KIF1B: variants seen among roughly 807,000 people sequenced by gnomAD.
KIF1B encodes kinesin family member 1B, also known as kinesin-like protein KIF1B.
KIF1B carries 76 observed loss-of-function variants against 241.9 expected under a neutral mutation model. The ratio of observed to expected loss-of-function variants is 0.31; its 90% CI spans 0.26 to 0.38. The LOEUF is 0.38. Ranked by LOEUF, KIF1B falls within the 10% of genes least tolerant of loss-of-function variation. The probability of loss-of-function intolerance (pLI) is 1.00; values close to 1 mark genes in which losing one functional copy is unlikely to be tolerated. For missense variants in KIF1B, 1,622 were observed against 2,271.4 expected, an observed-to-expected ratio of 0.71 and a Z score of 5.81; for synonymous variants, 750 against 796.7, an observed-to-expected ratio of 0.94 and a Z score of 0.99.
rs1174469402 is a variant in KIF1B, at chr1:10,339,808, C to G, written c.3462C>G (p.Pro1154=). 1 of 1,613,906 alleles carries G rather than the reference C, an allele frequency of 6.2e-7. No homozygotes were observed. The highest frequency in any genetic ancestry group is 8.5e-7 in the Non-Finnish European group (1 of 1,180,012). Residue 1154 remains proline (P), a synonymous_variant, in exon 32 of 49, where the codon CCC becomes CCG. Transcript: ENST00000676179. ...HRHDEAFSTE[P]LKNNGRGSPL... ...ATGATGAAGCATTCTCCACGGAGCC[C>G]CTCAAAAACAATGGCAGAGGAAGTC...
At chr1:10,274,665 C>A (rs762035296) in intron 10 of KIF1B, among the ~76,000 whole-genome samples, 93 of 152,040 alleles carry the variant, frequency 6.1e-4, no homozygotes, top group Non-Finnish European at 1.2e-3. Flanking sequence ...TCCTACACAT[C>A]CAACCTGGAA....
intron 10 of KIF1B, among the ~76,000 whole-genome samples, chr1:10,274,297 A>G (rs1648986591): frequency 6.6e-6 from 1 of 152,154 alleles, no homozygotes; most frequent in African/African-American, 2.4e-5. Context: ...ATATTTGAGT[A>G]GCTGTTACCT....
chr1:10,366,828 G>A lies in KIF1B; in HGVS notation c.4752+1180G>A, dbSNP rs566489193. Among the ~76,000 whole-genome samples the A allele has an allele frequency of 1.3e-4, 19 of 151,762 alleles. No individual in the cohort carries two copies. The East Asian group carries it at 2.8e-3, about 22-fold the overall frequency. On this transcript the variant is annotated intron_variant, in intron 43 of 48. Coordinates refer to ENST00000676179, the MANE Select transcript of KIF1B (RefSeq NM_001365951.3). ...TCTACTAAAAATACAAAAATTAGCC[G>A]AACGTGGTGGCGTGCGCCTGTAGTC...
Position 10,296,643 on chromosome 1 carries a change from C to A in KIF1B, c.1839C>A (p.Ser613=). 6.2e-7 allele frequency: 1 copy of A among 1,613,882 alleles called. No individual in the cohort carries two copies. The highest frequency in any genetic ancestry group is 1.1e-5 in the South Asian group (1 of 91,042). ...SETYVNGKRV[S]QPVQLRSGNR... The stretch of plus-strand genomic sequence containing the variant: ...CCTACGTAAATGGCAAGAGGGTGTC[C>A]CAGCCTGTTCAGCTGCGCTCAGGTG... Residue 613 remains serine (S), a synonymous_variant, in exon 20 of 49, where the codon TCC becomes TCA. Coordinates refer to ENST00000676179, the MANE Select transcript of KIF1B (RefSeq NM_001365951.3).
rs750928269 is a variant in KIF1B at position 10,365,396 on chromosome 1, T to C, written c.4513-13T>C. On this transcript the variant is annotated splice_polypyrimidine_tract_variant and intron_variant, in intron 42 of 48. Transcript: ENST00000676179. This position sits in a 1 kb window ranked among gnomAD's most constrained non-coding sequence, Gnocchi z 4.0. The stretch of plus-strand genomic sequence containing the variant: ...CTTTGTGTTTGCTATAGCAGTAGTA[T>C]TGATCTTCTCAGGTGGAAAAAACCC... The C allele has an allele frequency of 1.2e-6, 2 of 1,614,198 alleles. No individual in the cohort carries two copies. The highest frequency in any genetic ancestry group is 1.3e-5 in the African/African-American group (1 of 75,044).
intron 2 of KIF1B, among the ~76,000 whole-genome samples, chr1:10,247,775 AG>A (rs1200181984): frequency 6.6e-6 from 1 of 152,234 alleles, no homozygotes; most frequent in African/African-American, 2.4e-5. Context: ...CCTCTACAGC[AG>A]TGGTCCCCAA....
Position 10,326,290 on chromosome 1 carries a change from G to A in KIF1B, c.2855G>A (p.Gly952Glu), listed in dbSNP as rs2102301909. The change falls in exon 27 of 49, where the codon GGA becomes GAA. Residue 952 changes from glycine (G) to glutamate (E), a missense_variant. This residue lies in a region of KIF1B where 803 missense variants were observed against 1,112.0 expected (regional missense o/e 0.72). Transcript: ENST00000676179. This position sits in a 1 kb window ranked among gnomAD's most constrained non-coding sequence, Gnocchi z 5.2. ...GGCTCTGACGCAGGGACGGAGGAGG[G>A]ATCAGATCTCTTCAGTGACGGGCAT... ...DAGSDAGTEE[G>E]SDLFSDGHDP... 1 of 1,614,212 alleles carries A rather than the reference G, an allele frequency of 6.2e-7. No homozygotes were observed. Among genetic ancestry groups the A allele is most frequent in the Non-Finnish European group, 8.5e-7 (1 of 1,180,036 alleles).
Position 10,376,529 on chromosome 1 carries a change from C to T in KIF1B, c.5409-16C>T, listed in dbSNP as rs781661292. On this transcript the variant is annotated splice_polypyrimidine_tract_variant and intron_variant, in intron 48 of 48. Coordinates refer to ENST00000676179, the MANE Select transcript of KIF1B (RefSeq NM_001365951.3). ...ACCCAGACTTCTAATCCTACCTCCC[C>T]GTTTGTCCCCCATAGGTCAAAGCTT... is the stretch of plus-strand genomic sequence containing the variant. 8.0e-5 allele frequency: 129 copies of T among 1,613,500 alleles called. No individual in the cohort carries two copies. The highest frequency in any genetic ancestry group is 9.9e-5 in the Non-Finnish European group (117 of 1,179,604).
At position 10,335,592 on chromosome 1, in the gene KIF1B, A is replaced by G. The variant is rs376680768; in HGVS notation, c.3043+954A>G. On this transcript the variant is annotated intron_variant, in intron 28 of 48. Coordinates refer to ENST00000676179, the MANE Select transcript of KIF1B (RefSeq NM_001365951.3). The stretch of plus-strand genomic sequence containing the variant: ...ATCTTAACTGCTTCATTATTAACAA[A>G]GGATTGTTAGGCCTTTGTCTTGCTT... Among the ~76,000 whole-genome samples the G allele has an allele frequency of 2.6e-3, 389 of 152,178 alleles. 2 individuals are homozygous for G. The highest frequency in any genetic ancestry group is 9.0e-3 in the African/African-American group (372 of 41,542).
chr1:10,319,506 T>A (rs1651442125), intron 22 of KIF1B, among the ~76,000 whole-genome samples: 1 of 152,216 alleles, frequency 6.6e-6, no homozygotes, highest in Non-Finnish European at 1.5e-5. Context: ...AGCTTTTGGT[T>A]ACCTGAAGGC....
chr1:10,232,310 A>T lies in KIF1B; in HGVS notation c.-19A>T. On this transcript the variant is annotated 5_prime_UTR_variant, in exon 2 of 49. Transcript: ENST00000676179. ...CTTTATTTCTGGACTGCATATATAT[A>T]TATAACAAGGCCATTAAAATGTCGG... is the stretch of plus-strand genomic sequence containing the variant. 6.5e-7 allele frequency: 1 copy of T among 1,529,400 alleles called. No homozygotes were observed. The highest frequency in any genetic ancestry group is 9.0e-7 in the Non-Finnish European group (1 of 1,104,986). The allele number at this position is 1,529,400 out of a possible 1,614,324, so 94.7% of individuals were successfully genotyped here. A position where few individuals can be genotyped will look rare whatever the true frequency, so the allele number is the denominator to read the frequency against.
intron 40 of KIF1B, among the ~76,000 whole-genome samples, chr1:10,362,669 G>A (rs1422104260): frequency 1.3e-5 from 2 of 151,718 alleles, no homozygotes; most frequent in Admixed American, 6.6e-5. Flanking sequence ...CCCTCATATC[G>A]TCTCTCTTAT....
intron 2 of KIF1B, among the ~76,000 whole-genome samples, chr1:10,256,007 C>T (rs1357425209): frequency 6.6e-6 from 1 of 151,018 alleles, no homozygotes; most frequent in African/African-American, 2.4e-5. Context: ...CAGGGTTTCA[C>T]CATGTTGCCC....
At chr1:10,358,725 G>C (rs142260717) in intron 38 of KIF1B, among the ~76,000 whole-genome samples, 1 of 151,000 alleles carries the variant, frequency 6.6e-6, no homozygotes, top group African/African-American at 2.4e-5. Context: ...GATACAGTCA[G>C]TTCTCAAGTG....
chr1:10,277,094 AT>A (rs1005351212), intron 12 of KIF1B, among the ~76,000 whole-genome samples: 5 of 150,316 alleles, frequency 3.3e-5, no homozygotes, highest in African/African-American at 1.2e-4. Flanking sequence ...AAAAAAAAAA[AT>A]AAATTCTGAA....
In KIF1B at chr1:10,287,768, A is replaced by G. The variant is rs1397172397; in HGVS notation, c.1435-3314A>G. 3.3e-5 allele frequency among the ~76,000 whole-genome samples: 5 copies of G among 152,350 alleles called. No individual in the cohort carries two copies. In the East Asian group the frequency reaches 9.6e-4, roughly 29 times the overall value. ...ATTTTGCTTTCTTAGAGTGAGTTCT[A>G]CAGTTGCCCCAAAATAGGATGGCTT... On this transcript the variant is annotated intron_variant, in intron 15 of 48. Coordinates refer to ENST00000676179, the MANE Select transcript of KIF1B (RefSeq NM_001365951.3).
intron 10 of KIF1B, 67 bp downstream of exon 10, chr1:10,273,098 A>AT: frequency 8.4e-7 from 1 of 1,192,146 alleles, no homozygotes; most frequent in Non-Finnish European, 1.2e-6. Flanking sequence ...ACTAGGATGT[A>AT]TGGAGGCATA....
intron 15 of KIF1B, among the ~76,000 whole-genome samples, chr1:10,283,068 G>A (rs923910824): frequency 4.0e-5 from 6 of 151,838 alleles, no homozygotes; most frequent in African/African-American, 9.7e-5. Flanking sequence ...TTAGCCGGGC[G>A]TGGTGGCGGG....
chr1:10,214,687 A>T (rs1253753924), intron 1 of KIF1B, among the ~76,000 whole-genome samples: 15 of 149,766 alleles, frequency 1.0e-4, no homozygotes, highest in African/African-American at 3.5e-4. Flanking sequence ...GGTTCAAGTG[A>T]TTCTCCTGCC....
Sources: gnomAD v4.1 joint callset for allele counts (sites outside exome capture counted in the v4.1 genomes callset) on GRCh38, gnomAD v4.1.1 for gene constraint, gnomAD v4.1.1 regional missense constraint, Gnocchi (gnomAD v3.1) non-coding constraint, MANE v1.5 for transcripts, NCBI Gene and HGNC (gene_info 2026-07-23, HGNC 2026-07-21) for gene names.